SPTA1: variants seen among roughly 807,000 people sequenced by gnomAD.
SPTA1 encodes the protein spectrin alpha chain, erythrocytic 1.
A neutral mutation model predicts 324.7 loss-of-function variants in SPTA1; 177 were observed. That is an observed-to-expected ratio of 0.55 (90% CI 0.48 to 0.62). The LOEUF is 0.62. Ranked by LOEUF, SPTA1 falls within the 20% of genes least tolerant of loss-of-function variation. The pLI is 0.00. For missense variants in SPTA1, 3,162 were observed against 2,883.6 expected (o/e 1.10, Z -2.21); for synonymous variants, 1,195 against 1,041.3 (o/e 1.15, Z -2.84).
At chr1:158,626,029 G>C (rs966168278) in intron 42 of SPTA1, 117 bp downstream of exon 42, 1 of 815,648 alleles carries the variant, frequency 1.2e-6, no homozygotes, top group Admixed American at 2.2e-5. Context: ...ATTAAGAAGG[G>C]AAAATCTTAC....
intron 27 of SPTA1, 116 bp downstream of exon 27, chr1:158,647,423 T>A: frequency 7.7e-7 from 1 of 1,298,042 alleles, no homozygotes; most frequent in Non-Finnish European, 1.1e-6. Context: ...TTGCAAGAGG[T>A]GAGACTTAAA....
rs897348761 is a variant in SPTA1, at chr1:158,652,338, C to T, written c.3375+129G>A. 2.9e-5 allele frequency: 31 copies of T among 1,057,104 alleles called. No individual in the cohort carries two copies. In the African/African-American group the frequency reaches 4.4e-4, roughly 15 times the overall value. The allele number at this position is 1,057,104 out of a possible 1,614,324, so 65.5% of individuals were successfully genotyped here. Reference sequence around the variant, plus strand: ...TACAATACCTAGAGGGAGATCTCAGCCACAGAGTTGCCAATAGCTTTGGGG... The same window carrying T: ...TACAATACCTAGAGGGAGATCTCAGTCACAGAGTTGCCAATAGCTTTGGGG... On this transcript the variant is annotated intron_variant, in intron 23 of 51. Coordinates refer to ENST00000643759, the MANE Select transcript of SPTA1 (RefSeq NM_003126.4).
chr1:158,634,853 G>A (rs1004803067), intron 38 of SPTA1, among the ~76,000 whole-genome samples, 178 bp from the exon 39 acceptor site: 2 of 152,086 alleles, frequency 1.3e-5, no homozygotes, highest in African/African-American at 4.8e-5. Context: ...AAGATCTGCT[G>A]TGAAATGGAG....
intron 27 of SPTA1, 76 bp downstream of exon 27, chr1:158,647,463 A>G: frequency 6.3e-7 from 1 of 1,580,798 alleles, no homozygotes; most frequent in East Asian, 2.2e-5. Context: ...ACCAGCAGTG[A>G]ACAGCATCTG....
rs35733059 is a variant in SPTA1 at position 158,651,446 on chromosome 1, C to T, written c.3398G>A (p.Arg1133Gln). ...AGCTACCTTGTTGATATCCCTTAGCCGAGGCTCATTGGTATTCAAATCCTG... is the reference window on the plus strand; with the variant it reads ...AGCTACCTTGTTGATATCCCTTAGCTGAGGCTCATTGGTATTCAAATCCTG... ...FQKDLNTNEP[R>Q]LRDINKVADD... is the part of the protein sequence containing the mutation. The change falls in exon 24 of 52, where the codon CGG becomes CAG. Residue 1133 changes from arginine to glutamine, a missense_variant. Physicochemically the swap from Arg to Gln is conservative, Grantham distance 43 (BLOSUM62 1). Coordinates refer to ENST00000643759, the MANE Select transcript of SPTA1 (RefSeq NM_003126.4). The T allele has an allele frequency of 2.0e-5, 33 of 1,613,262 alleles. No homozygotes were observed. The East Asian group carries it at 2.7e-4, about 13-fold the overall frequency.
intron 34 of SPTA1, 30 bp from the exon 35 acceptor site, chr1:158,639,716 G>T (rs1258363178): frequency 2.5e-6 from 4 of 1,613,090 alleles, no homozygotes; most frequent in South Asian, 1.1e-5. Context: ...CAATAAAGCT[G>T]CCAGGTGAAA....
At chr1:158,663,538 C>G (rs559578482) in intron 16 of SPTA1, among the ~76,000 whole-genome samples, 8 of 152,138 alleles carry the variant, frequency 5.3e-5, no homozygotes, top group Non-Finnish European at 8.8e-5. Context: ...TTTGAAGGCT[C>G]TTCCTAGAAA....
intron 51 of SPTA1, chr1:158,612,104 T>G (rs751378497): frequency 3.2e-5 from 5 of 154,552 alleles, no homozygotes; most frequent in African/African-American, 9.6e-5. Context: ...GGTTTCTGCT[T>G]AATTGTTTTC....
Position 158,644,527 on chromosome 1 carries a change from T to C in SPTA1, c.4195-131A>G, listed in dbSNP as rs193157026. On this transcript the variant is annotated intron_variant, in intron 29 of 51. Transcript: ENST00000643759. ...CTTACCATCTTCCAAGAAACACTCA[T>C]GTGACAAATCTTAGCTGTACTGGAA... 3.4e-4 allele frequency: 357 copies of C among 1,059,170 alleles called. 2 individuals are homozygous for C. In the African/African-American group the frequency reaches 4.8e-3, roughly 14 times the overall value. The allele number at this position is 1,059,170 out of a possible 1,614,324, so 65.6% of individuals were successfully genotyped here. A position where few individuals can be genotyped will look rare whatever the true frequency, so the allele number is the denominator to read the frequency against.
In SPTA1 at chr1:158,671,371, G is replaced by T. The variant is rs184260027; in HGVS notation, c.1571C>A (p.Ala524Asp). The change falls in exon 12 of 52, where the codon GCC (alanine) becomes GAC (aspartate). Residue 524 changes from alanine to aspartate, a missense_variant. Coordinates refer to ENST00000643759, the MANE Select transcript of SPTA1 (RefSeq NM_003126.4). ...GATCTTCTCTTCCTGGGCAGTAAAG[G>T]CTTCCTCAAAGTCTTCATGCTTCTG... ...LLQKHEDFEE[A>D]FTAQEEKIIT... is the part of the protein sequence containing the mutation. 50 of 1,613,394 alleles carry T rather than the reference G, an allele frequency of 3.1e-5. No homozygotes were observed. The highest frequency in any genetic ancestry group is 4.0e-5 in the African/African-American group (3 of 74,866).
At chr1:158,631,770 T>C (rs1263874264) in intron 39 of SPTA1, among the ~76,000 whole-genome samples, 1 of 152,140 alleles carries the variant, frequency 6.6e-6, no homozygotes, top group African/African-American at 2.4e-5. Context: ...CCTGTCAGGA[T>C]GGCTATTAAC....
At chr1:158,680,454 T>C (rs1261829892) in intron 5 of SPTA1, 129 bp downstream of exon 5, 1 of 1,334,616 alleles carries the variant, frequency 7.5e-7, no homozygotes, top group Non-Finnish European at 1.1e-6. Context: ...AATATGTTAC[T>C]CCAGGAACAT....
chr1:158,628,984 T>C (rs896568018), intron 39 of SPTA1, among the ~76,000 whole-genome samples: 4 of 152,010 alleles, frequency 2.6e-5, no homozygotes, highest in Non-Finnish European at 5.9e-5. Flanking sequence ...CACTGATGAA[T>C]TAAATCAAAT....
At chr1:158,649,758 G>A (rs1004444051) in intron 25 of SPTA1, 98 bp downstream of exon 25, 27 of 1,033,264 alleles carry the variant, frequency 2.6e-5, no homozygotes, top group African/African-American at 6.3e-5. Flanking sequence ...TCCATCTCAC[G>A]AAAAAAGATT....
Position 158,672,170 on chromosome 1 carries a change from A to G in SPTA1, c.1377T>C (p.Thr459=), listed in dbSNP as rs745651149. ...GCTCGTCCCACAGTTCCAGCAGGGC[A>G]GTCCAGTTGTTGTCAAGTATTTCCA... The part of the protein sequence containing the change: ...EKMEILDNNW[T]ALLELWDERH... Residue 459 remains threonine (T), a synonymous_variant, in exon 11 of 52, where the codon ACT becomes ACC. Transcript: ENST00000643759. 6.2e-7 allele frequency: 1 copy of G among 1,614,070 alleles called. No individual in the cohort carries two copies. The highest frequency in any genetic ancestry group is 1.1e-5 in the South Asian group (1 of 91,086).
At chr1:158,636,112 T>G (rs1651051432) in intron 37 of SPTA1, 78 bp from the exon 38 acceptor site, 10 of 1,611,062 alleles carry the variant, frequency 6.2e-6, no homozygotes, top group Non-Finnish European at 8.5e-6. Context: ...GCAAAGTATC[T>G]AGCCCATCCT....
intron 24 of SPTA1, 68 bp downstream of exon 24, chr1:158,651,299 T>G: frequency 1.0e-6 from 1 of 977,018 alleles, no homozygotes. Context: ...AAGTTCCATG[T>G]TGAAGTGAAA....
rs753811219 is a variant in SPTA1, at chr1:158,623,142, C to T, written c.5961G>A (p.Glu1987=). Residue 1987 remains glutamate, a synonymous_variant, in exon 43 of 52, where the codon GAG becomes GAA. Coordinates refer to ENST00000643759, the MANE Select transcript of SPTA1 (RefSeq NM_003126.4). The part of the protein sequence containing the change: ...LQSFQQERLP[E]ITDLKDKLIS... ...TCAGTTTGTCCTTCAGGTCAGTGAT[C>T]TCGGGAAGTCTCTCTTGCTGGAAAC... 3.8e-5 allele frequency: 62 copies of T among 1,613,978 alleles called. No homozygotes were observed. The highest frequency in any genetic ancestry group is 4.8e-5 in the Non-Finnish European group (57 of 1,180,032).
At chr1:158,649,277 T>G (rs539419409) in intron 25 of SPTA1, among the ~76,000 whole-genome samples, 2 of 152,282 alleles carry the variant, frequency 1.3e-5, no homozygotes, top group East Asian at 3.9e-4. Context: ...TCAAGTTTCT[T>G]TCTTTCTGTT....
Sources: allele counts gnomAD v4.1 joint callset (sites outside exome capture counted in the v4.1 genomes callset), GRCh38; gene constraint gnomAD v4.1.1; transcripts MANE v1.5; gene names NCBI Gene and HGNC (gene_info 2026-07-23, HGNC 2026-07-21).